TMEM178B: variants seen among roughly 807,000 people sequenced by gnomAD.
TMEM178B encodes transmembrane protein 178B.
A neutral mutation model predicts 31.0 loss-of-function variants in TMEM178B; 5 were observed. That is an observed-to-expected ratio of 0.16 (90% CI 0.08 to 0.34). The LOEUF (loss-of-function observed/expected upper bound fraction) is 0.34. TMEM178B is among the 10% of genes least tolerant of loss of function. The probability of loss-of-function intolerance (pLI) is 1.00; values close to 1 mark genes in which losing one functional copy is unlikely to be tolerated. For missense variants in TMEM178B, 275 were observed against 400.3 expected, an observed-to-expected ratio of 0.69 and a Z score of 2.67; for synonymous variants, 164 against 164.0, an observed-to-expected ratio of 1.00 and a Z score of 0.00.
intron 2 of TMEM178B, among the ~76,000 whole-genome samples, chr7:141,356,652 G>T (rs185167023): frequency 6.7e-6 from 1 of 150,110 alleles, no homozygotes; most frequent in Admixed American, 6.6e-5. Flanking sequence ...GGGGTTGGGC[G>T]GGGGGGTGGT....
intron 2 of TMEM178B, among the ~76,000 whole-genome samples, chr7:141,292,199 C>G (rs1798558111): frequency 6.6e-6 from 1 of 152,214 alleles, no homozygotes; most frequent in Non-Finnish European, 1.5e-5. Context: ...GCATGGAACA[C>G]TGCTCTTATT....
Position 141,456,210 on chromosome 7 carries a change from G to A in TMEM178B, c.635-14326G>A, listed in dbSNP as rs188340230. On this transcript the variant is annotated intron_variant, in intron 3 of 3. Coordinates refer to ENST00000565468, the MANE Select transcript of TMEM178B (RefSeq NM_001195278.2). ...AGCTAGTCCTAGAGCAAGTCAGAGA[G>A]AATGGCACCTTCTTACCCCAATATC... Among the ~76,000 whole-genome samples, 5 of 152,304 alleles carry A rather than the reference G, an allele frequency of 3.3e-5. No homozygotes were observed. The East Asian group carries it at 9.7e-4, about 29-fold the overall frequency.
At chr7:141,293,797 C>T (rs1798586597) in intron 2 of TMEM178B, among the ~76,000 whole-genome samples, 1 of 152,088 alleles carries the variant, frequency 6.6e-6, no homozygotes, top group Admixed American at 6.5e-5. Flanking sequence ...GGTTTACGAA[C>T]CTGTAACCAG....
chr7:141,097,089 CAA>C (rs113276063), intron 1 of TMEM178B, among the ~76,000 whole-genome samples: 10,977 of 129,534 alleles, frequency 0.085, 519 homozygotes, highest in African/African-American at 0.15. Context: ...GAAGTTGTCT[CAA>C]AAAAAAAAAA....
chr7:141,142,439 G>A (rs1264845235), intron 1 of TMEM178B, among the ~76,000 whole-genome samples: 8 of 145,116 alleles, frequency 5.5e-5, no homozygotes, highest in East Asian at 4.0e-4. Context: ...ATGGAGTCTC[G>A]CTCTGTCACC....
At chr7:141,214,150 A>C (rs1251254252) in intron 2 of TMEM178B, among the ~76,000 whole-genome samples, 1 of 152,240 alleles carries the variant, frequency 6.6e-6, no homozygotes, top group Non-Finnish European at 1.5e-5. Context: ...TATTTCCCAC[A>C]ATGTATTGGT....
chr7:141,432,283 G>A (rs968761998), intron 2 of TMEM178B, among the ~76,000 whole-genome samples: 3 of 151,410 alleles, frequency 2.0e-5, no homozygotes, highest in Admixed American at 6.6e-5. Flanking sequence ...AGCCTCCCGA[G>A]TAGCTATGAT....
chr7:141,336,082 G>A (rs1319725145), intron 2 of TMEM178B, among the ~76,000 whole-genome samples: 1 of 152,162 alleles, frequency 6.6e-6, no homozygotes, highest in African/African-American at 2.4e-5. Flanking sequence ...ATCGTCACTT[G>A]CCACGGGCAG....
At chr7:141,205,401 A>C (rs548476222) in intron 1 of TMEM178B, among the ~76,000 whole-genome samples, 1 of 152,234 alleles carries the variant, frequency 6.6e-6, no homozygotes, top group East Asian at 1.9e-4. Context: ...TTCCTCGGCC[A>C]CCCTGTCAGC....
intron 3 of TMEM178B, among the ~76,000 whole-genome samples, chr7:141,439,108 C>G (rs903120209): frequency 2.0e-5 from 3 of 151,954 alleles, no homozygotes; most frequent in African/African-American, 7.2e-5. Context: ...GAGTTCATTG[C>G]TCTAGGTGTA....
In TMEM178B at chr7:141,477,188, T is replaced by C. The variant is rs7799309; in HGVS notation, c.*6402T>C. On this transcript the variant is annotated 3_prime_UTR_variant, in exon 4 of 4. Coordinates refer to ENST00000565468, the MANE Select transcript of TMEM178B (RefSeq NM_001195278.2). ...AAGCCTTTCCTGTGAAGAGCTTTCATGAACTCATTCTCATACTCCTTCCCC... is the reference window on the plus strand; with the variant it reads ...AAGCCTTTCCTGTGAAGAGCTTTCACGAACTCATTCTCATACTCCTTCCCC... 22,043 of 154,854 alleles carry C rather than the reference T, an allele frequency of 0.14. 4,777 individuals are homozygous for C. The highest frequency in any genetic ancestry group is 0.47 in the African/African-American group (19,610 of 41,536). The allele number at this position is 154,854 out of a possible 1,614,324, so 9.6% of individuals were successfully genotyped here.
intron 2 of TMEM178B, among the ~76,000 whole-genome samples, chr7:141,419,133 C>A (rs552662260): frequency 6.6e-6 from 1 of 152,118 alleles, no homozygotes; most frequent in Admixed American, 6.5e-5. Flanking sequence ...CAGTCTTGAA[C>A]GCCTGACCTC....
At chr7:141,323,504 G>A (rs1799136576) in intron 2 of TMEM178B, among the ~76,000 whole-genome samples, 1 of 151,738 alleles carries the variant, frequency 6.6e-6, no homozygotes, top group Non-Finnish European at 1.5e-5. Context: ...GGGCTGCATA[G>A]CGTATCACTT....
At chr7:141,276,441 G>A (rs1304062007) in intron 2 of TMEM178B, among the ~76,000 whole-genome samples, 1 of 152,182 alleles carries the variant, frequency 6.6e-6, no homozygotes, top group Non-Finnish European at 1.5e-5. Context: ...GAGGCCTCAG[G>A]AAACTTACAG....
At chr7:141,196,855 G>A (rs568202522) in intron 1 of TMEM178B, among the ~76,000 whole-genome samples, 2 of 152,280 alleles carry the variant, frequency 1.3e-5, no homozygotes, top group African/African-American at 4.8e-5. Flanking sequence ...CTTGAGCCAG[G>A]AGTAGGATAG....
At chr7:141,355,416 G>A (rs762789575) in intron 2 of TMEM178B, among the ~76,000 whole-genome samples, 5 of 152,148 alleles carry the variant, frequency 3.3e-5, no homozygotes, top group Non-Finnish European at 5.9e-5. Context: ...TCATGCACCT[G>A]CCATGAATTG....
At chr7:141,174,049 G>A (rs955073419) in intron 1 of TMEM178B, among the ~76,000 whole-genome samples, 1 of 152,146 alleles carries the variant, frequency 6.6e-6, no homozygotes, top group African/African-American at 2.4e-5. Context: ...ATGGTGATTT[G>A]CTGCACCCAT....
At chr7:141,386,750 C>T (rs117978081) in intron 2 of TMEM178B, among the ~76,000 whole-genome samples, 7 of 152,202 alleles carry the variant, frequency 4.6e-5, no homozygotes, top group East Asian at 1.9e-4. Flanking sequence ...TTTGTTTGCA[C>T]GCAGTGGAGA....
intron 2 of TMEM178B, among the ~76,000 whole-genome samples, chr7:141,332,254 C>T (rs775291418): frequency 6.6e-5 from 10 of 152,210 alleles, no homozygotes; most frequent in Non-Finnish European, 1.3e-4. Flanking sequence ...ATTTTTAACT[C>T]TCATTCTTTT....
Sources: gnomAD v4.1 joint callset for allele counts (sites outside exome capture counted in the v4.1 genomes callset) on GRCh38, gnomAD v4.1.1 for gene constraint, MANE v1.5 for transcripts, NCBI Gene and HGNC (gene_info 2026-07-23, HGNC 2026-07-21) for gene names.